COL6A2: variants seen among roughly 807,000 people sequenced by gnomAD.
The protein encoded by COL6A2 is collagen alpha-2(VI) chain.
Under a neutral mutation model 124.9 loss-of-function variants are expected in COL6A2, and 90 were observed. The observed-to-expected ratio is 0.72, with a 90% CI of 0.61 to 0.86. COL6A2 has a LOEUF of 0.86. Ranked by LOEUF, COL6A2 falls within the 40% of genes least tolerant of loss-of-function variation. COL6A2 has a pLI of 0.00. For missense variants in COL6A2, 1,607 were observed against 1,502.5 expected (o/e 1.07, Z -1.15); for synonymous variants, 793 against 618.2 (o/e 1.28, Z -4.19).
intron 21 of COL6A2, among the ~76,000 whole-genome samples, chr21:46,123,470 T>C (rs187724504): frequency 5.5e-4 from 84 of 151,984 alleles, no homozygotes; most frequent in African/African-American, 1.9e-3. Context: ...TGCAGGTTGG[T>C]CTGGAACTGA....
chr21:46,122,400 C>CGAGGGA, intron 19 of COL6A2, 96 bp from the exon 20 acceptor site: 1 of 1,513,514 alleles, frequency 6.6e-7, no homozygotes, highest in South Asian at 1.1e-5. Context: ...TGTGAATGAG[C>CGAGGGA]GAGGGAGGGA....
intron 1 of COL6A2, among the ~76,000 whole-genome samples, chr21:46,103,691 G>C (rs114102448): frequency 6.6e-6 from 1 of 152,044 alleles, no homozygotes; most frequent in Non-Finnish European, 1.5e-5. Flanking sequence ...GTTTAATTTC[G>C]TGATTTTTTA....
At position 46,112,560 on chromosome 21, in the gene COL6A2, C is replaced by T. The variant is rs1379543505; in HGVS notation, c.697C>T (p.Arg233Cys). ...STEIDQDTIN[R>C]IIKVMKHEAY... ...CGAGATCGACCAGGACACCATCAAC[C>T]GCATCATCAAGGTCATGGTGAGCCG... The change falls in exon 3 of 28, where the codon CGC becomes TGC. Residue 233 changes from arginine (R) to cysteine (C), a missense_variant. By Grantham distance (180) the Arg-to-Cys change is radical. This residue lies in a region of COL6A2 where 342 missense variants were observed against 381.5 expected (regional missense o/e 0.90). Transcript: ENST00000300527. The T allele has an allele frequency of 1.4e-5, 22 of 1,612,110 alleles. No homozygotes were observed. Among genetic ancestry groups the T allele is most frequent in the Non-Finnish European group, 1.9e-5 (22 of 1,179,880 alleles).
rs190292552 is a variant in COL6A2, at chr21:46,114,153, G to A, written c.801+80G>A. Reference sequence around the variant, plus strand: ...TTTTGAAATCCACACTTGGCCGGGCGTGGTGGCTCATACCTGTAATCCCAG... The same window carrying A: ...TTTTGAAATCCACACTTGGCCGGGCATGGTGGCTCATACCTGTAATCCCAG... On this transcript the variant is annotated intron_variant, in intron 5 of 27. Transcript: ENST00000300527. The A allele has an allele frequency of 4.4e-4, 554 of 1,245,658 alleles. 6 individuals carry two copies. The highest frequency in any genetic ancestry group is 3.9e-3 in the East Asian group (166 of 43,108). The allele number at this position is 1,245,658 out of a possible 1,614,324, so 77.2% of individuals were successfully genotyped here. A position where few individuals can be genotyped will look rare whatever the true frequency, so the allele number is the denominator to read the frequency against.
At chr21:46,130,439 G>A (rs568411392) in intron 27 of COL6A2, among the ~76,000 whole-genome samples, 3 of 152,192 alleles carry the variant, frequency 2.0e-5, no homozygotes, top group Non-Finnish European at 1.5e-5. Flanking sequence ...GGCTCCTGCC[G>A]GGCACGGCTG....
At chr21:46,122,984 G>C in intron 21 of COL6A2, 47 bp downstream of exon 21, 1 of 1,564,126 alleles carries the variant, frequency 6.4e-7, no homozygotes, top group Non-Finnish European at 8.8e-7. Flanking sequence ...CAGAGGCAGG[G>C]AGGGGCCCTG....
intron 1 of COL6A2, among the ~76,000 whole-genome samples, chr21:46,106,221 A>C (rs2078334185): frequency 6.6e-6 from 1 of 152,358 alleles, no homozygotes; most frequent in Non-Finnish European, 1.5e-5. Flanking sequence ...CAGTCCATCA[A>C]AATATTTATA....
Position 46,116,955 on chromosome 21 carries a change from A to G in COL6A2, c.999+141A>G, listed in dbSNP as rs2095989006. On this transcript the variant is annotated intron_variant, in intron 10 of 27. Coordinates refer to ENST00000300527, the MANE Select transcript of COL6A2 (RefSeq NM_001849.4). The surrounding 1 kb of genome is among the most constrained non-coding windows in gnomAD (Gnocchi z 4.6). ...CACACACACACACACACACACACAC[A>G]CGAACTTCAGCTCCTGCCACATCCC... 4 of 814,884 alleles carry G rather than the reference A, an allele frequency of 4.9e-6. No individual in the cohort carries two copies. The highest frequency in any genetic ancestry group is 7.9e-6 in the Non-Finnish European group (4 of 508,970). 50.5% of individuals were successfully genotyped at this position (814,884 alleles called of 1,614,324 possible).
chr21:46,124,123 GTGGA>G (rs1226179718), intron 21 of COL6A2, among the ~76,000 whole-genome samples: 4 of 151,260 alleles, frequency 2.6e-5, no homozygotes, highest in Non-Finnish European at 5.9e-5. Flanking sequence ...GAGTGGGTGG[GTGGA>G]TGGATAGATG....
At chr21:46,106,085 A>G (rs2123600134) in intron 1 of COL6A2, among the ~76,000 whole-genome samples, 1 of 152,368 alleles carries the variant, frequency 6.6e-6, no homozygotes, top group South Asian at 2.1e-4. Flanking sequence ...GAGTGGCTAT[A>G]CTAATACCAG....
At chr21:46,119,185 C>T (rs1051292994) in intron 14 of COL6A2, 66 bp downstream of exon 14, 2 of 1,263,352 alleles carry the variant, frequency 1.6e-6, no homozygotes, top group African/African-American at 2.9e-5. Flanking sequence ...TTGAGGAGGA[C>T]CATGGGGGAA....
intron 21 of COL6A2, 63 bp from the exon 22 acceptor site, chr21:46,124,588 C>G: frequency 6.5e-7 from 1 of 1,530,864 alleles, no homozygotes; most frequent in South Asian, 1.1e-5. Context: ...CACAGGGGGC[C>G]CTGCTGTGTG....
intron 27 of COL6A2, chr21:46,128,805 C>A (rs1302368608): frequency 1.0e-6 from 1 of 1,004,122 alleles, no homozygotes; most frequent in Non-Finnish European, 1.6e-6. Flanking sequence ...CCACCGCAAG[C>A]TTTCTCAGGC....
chr21:46,118,809 G>A (rs1220295969), intron 13 of COL6A2, 133 bp downstream of exon 13: 5 of 1,189,470 alleles, frequency 4.2e-6, no homozygotes, highest in South Asian at 1.3e-5. Context: ...CACGGGGAGG[G>A]ACAGGAAGAA....
At chr21:46,125,159 C>T (rs894152961) in intron 23 of COL6A2, 107 bp from the exon 24 acceptor site, 9 of 1,167,592 alleles carry the variant, frequency 7.7e-6, no homozygotes, top group South Asian at 1.3e-5. Context: ...CGCATGGCTG[C>T]CTCCACACGT....
intron 20 of COL6A2, 67 bp downstream of exon 20, chr21:46,122,598 C>T (rs1391977204): frequency 1.3e-6 from 2 of 1,539,320 alleles, no homozygotes; most frequent in East Asian, 2.2e-5. Flanking sequence ...TTGCTGGGAA[C>T]ACAATGCCCA....
intron 27 of COL6A2, chr21:46,129,649 T>C: frequency 7.0e-7 from 1 of 1,424,204 alleles, no homozygotes. Flanking sequence ...TCCCAGCCTC[T>C]TCCCATGCTG....
intron 3 of COL6A2, 84 bp downstream of exon 3, chr21:46,112,661 T>G: frequency 1.3e-6 from 2 of 1,592,344 alleles, no homozygotes; most frequent in Middle Eastern, 3.3e-4. Flanking sequence ...ACTTTACCCC[T>G]CTGTGAGTGC....
Position 46,132,048 on chromosome 21 carries a change from CCGGCGCTTCGTGGAGCAGGTGGCG to C in COL6A2, c.2562_2585del (p.Phe855_Arg862del). The stretch of plus-strand genomic sequence containing the variant: ...TGGGTGAGCAGAACTTCCACAAGGC[CCGGCGCTTCGTGGAGCAGGTGGCG>C]CGGCGGCTGACGCTGGCCCGGAGGG... On this transcript the variant is annotated inframe_deletion, in exon 28 of 28. Transcript: ENST00000300527. The C allele has an allele frequency of 6.2e-7, 1 of 1,607,810 alleles. No individual in the cohort carries two copies. The highest frequency in any genetic ancestry group is 8.5e-7 in the Non-Finnish European group (1 of 1,179,096).
Sources: allele counts gnomAD v4.1 joint callset (sites outside exome capture counted in the v4.1 genomes callset), GRCh38; gene constraint gnomAD v4.1.1; regional missense constraint gnomAD v4.1.1; non-coding constraint Gnocchi (gnomAD v3.1); transcripts MANE v1.5; gene names NCBI Gene and HGNC (gene_info 2026-07-23, HGNC 2026-07-21).